Variants in KIFAP3 observed in about 807,000 individuals in gnomAD.
The protein encoded by KIFAP3 is kinesin-associated protein 3.
A neutral mutation model predicts 106.5 loss-of-function variants in KIFAP3; 68 were observed. That is an observed-to-expected ratio of 0.64 (90% CI 0.53 to 0.78). The LOEUF (loss-of-function observed/expected upper bound fraction) is 0.78. Ranked by LOEUF, KIFAP3 falls within the 30% of genes least tolerant of loss-of-function variation. The pLI is 0.00. For synonymous variants in KIFAP3, 320 were observed against 311.5 expected (o/e 1.03, Z -0.29); for missense variants, 780 against 941.8 (o/e 0.83, Z 2.25).
At chr1:169,982,189 T>C in intron 14 of KIFAP3, 92 bp from the exon 15 acceptor site, 1 of 1,284,952 alleles carries the variant, frequency 7.8e-7, no homozygotes, top group South Asian at 1.4e-5. Flanking sequence ...GAAAGGATAC[T>C]GAAAGCTATT....
At chr1:170,044,170 A>G (rs1427770876) in intron 3 of KIFAP3, among the ~76,000 whole-genome samples, 1 of 152,200 alleles carries the variant, frequency 6.6e-6, no homozygotes, top group Admixed American at 6.5e-5. Context: ...ATGTTTATAT[A>G]GGATTTTTGT....
intron 10 of KIFAP3, among the ~76,000 whole-genome samples, chr1:170,003,994 T>C (rs1319145902): frequency 6.6e-6 from 1 of 152,162 alleles, no homozygotes; most frequent in Non-Finnish European, 1.5e-5. Flanking sequence ...CTTAAGCTGA[T>C]AAGCAACTTC....
chr1:170,040,616 G>A (rs1263719297), intron 3 of KIFAP3, among the ~76,000 whole-genome samples: 3 of 152,098 alleles, frequency 2.0e-5, no homozygotes, highest in African/African-American at 7.2e-5. Flanking sequence ...ATAAGTAGAC[G>A]CAGATCTTAA....
rs1341002095 is a variant in KIFAP3, at chr1:169,984,701, G to A, written c.1285-11C>T. ...CAGCATCTTCATTAACTAGCAAGAA[G>A]CACAGGGCACATTTTACTCAAGAAA... On this transcript the variant is annotated splice_polypyrimidine_tract_variant and intron_variant, in intron 11 of 19. Transcript: ENST00000361580. 1.4e-6 allele frequency: 2 copies of A among 1,435,378 alleles called. No homozygotes were observed. Among genetic ancestry groups the A allele is most frequent in the Non-Finnish European group, 9.7e-7 (1 of 1,026,250 alleles). 88.9% of individuals were successfully genotyped at this position (1,435,378 alleles called of 1,614,324 possible).
Position 169,982,798 on chromosome 1 carries a change from CCAAA to C in KIFAP3, c.1572_1575del (p.Cys524TrpfsTer7), listed in dbSNP as rs1298064874. On this transcript the variant is annotated frameshift_variant, in exon 14 of 20. Transcript: ENST00000361580. LOFTEE classifies it high-confidence loss of function. ...GGAATGGTCAAGTTTGCAAGAGTTC[CCAAA>C]CATTCAATCACAAACTCCTCTTCTT... The C allele has an allele frequency of 1.2e-6, 2 of 1,607,978 alleles. No individual in the cohort carries two copies. Among genetic ancestry groups the C allele is most frequent in the Non-Finnish European group, 1.7e-6 (2 of 1,175,892 alleles).
At chr1:170,003,228 T>A (rs1028724525) in intron 10 of KIFAP3, among the ~76,000 whole-genome samples, 2 of 152,212 alleles carry the variant, frequency 1.3e-5, no homozygotes, top group African/African-American at 4.8e-5. Flanking sequence ...TTGGACTTAC[T>A]CATTATAGAC....
At chr1:170,036,476 TTTCACAGTATTA>T (rs1669699350) in intron 5 of KIFAP3, among the ~76,000 whole-genome samples, 1 of 152,114 alleles carries the variant, frequency 6.6e-6, no homozygotes, top group African/African-American at 2.4e-5. Flanking sequence ...TATGATAGCA[TTTCACAGTATTA>T]TTCACATTCA....
At chr1:169,954,452 A>G (rs1349767020) in intron 18 of KIFAP3, among the ~76,000 whole-genome samples, 1 of 152,198 alleles carries the variant, frequency 6.6e-6, no homozygotes, top group Non-Finnish European at 1.5e-5. Context: ...GACAGACAGT[A>G]AGGATGGTTC....
chr1:170,040,638 A>G (rs893094870), intron 3 of KIFAP3, among the ~76,000 whole-genome samples: 1 of 152,082 alleles, frequency 6.6e-6, no homozygotes, highest in Non-Finnish European at 1.5e-5. Flanking sequence ...AGACTACCAG[A>G]TTTGCTTTTC....
intron 9 of KIFAP3, among the ~76,000 whole-genome samples, chr1:170,021,613 T>C (rs748281834): frequency 3.6e-4 from 54 of 151,748 alleles, no homozygotes; most frequent in Non-Finnish European, 6.0e-4. Context: ...CTAGTTTTTG[T>C]ATTTTTAGTA....
chr1:169,942,904 A>G lies in KIFAP3; in HGVS notation c.2273+11107T>C, dbSNP rs1213426313. ...CTTAGATACTTCCGTAAGCAGTTTT[A>G]AAGACGCCCCCCCCCACCCCTTTAA... On this transcript the variant is annotated intron_variant, in intron 19 of 19. Coordinates refer to ENST00000361580, the MANE Select transcript of KIFAP3 (RefSeq NM_014970.4). Among the ~76,000 whole-genome samples, 11 of 35,526 alleles carry G rather than the reference A, an allele frequency of 3.1e-4. No individual in the cohort carries two copies. The East Asian group carries it at 0.014, about 45-fold the overall frequency. The allele number at this position is 35,526 out of a possible 152,430, so 23.3% of individuals were successfully genotyped here. A position where few individuals can be genotyped will look rare whatever the true frequency, so the allele number is the denominator to read the frequency against.
rs758101653 is a variant in KIFAP3 at position 170,016,466 on chromosome 1, G to T, written c.1179C>A (p.Leu393=). Residue 393 remains leucine, a synonymous_variant, in exon 10 of 20, where the codon CTC becomes CTA. Coordinates refer to ENST00000361580, the MANE Select transcript of KIFAP3 (RefSeq NM_014970.4). ...ATTAATTTCTAAAAAGCATACCTAGGAGTGCAGTGAGCTTGGGAAGCAGTC... is the reference window on the plus strand; with the variant it reads ...ATTAATTTCTAAAAAGCATACCTAGTAGTGCAGTGAGCTTGGGAAGCAGTC... ...QVGLLPKLTA[L]LGNDNYKQIA... 12 of 1,599,814 alleles carry T rather than the reference G, an allele frequency of 7.5e-6. No individual in the cohort carries two copies. In the Admixed American group the frequency reaches 1.9e-4, roughly 25 times the overall value.
At chr1:169,960,258 G>T (rs1249456443) in intron 18 of KIFAP3, among the ~76,000 whole-genome samples, 4 of 151,990 alleles carry the variant, frequency 2.6e-5, no homozygotes, top group Non-Finnish European at 5.9e-5. Flanking sequence ...AGAAAATAAG[G>T]TGAGTCACTA....
intron 9 of KIFAP3, 126 bp downstream of exon 9, chr1:170,024,292 T>C (rs998785791): frequency 3.6e-6 from 2 of 563,366 alleles, no homozygotes; most frequent in South Asian, 5.7e-5. Flanking sequence ...CAGTGAGTTA[T>C]TGCTATTATA....
intron 1 of KIFAP3, among the ~76,000 whole-genome samples, chr1:170,069,923 C>A (rs1304986319): frequency 1.3e-5 from 2 of 151,806 alleles, no homozygotes; most frequent in African/African-American, 4.8e-5. Flanking sequence ...ATAGAAAATT[C>A]TAAAAATGGC....
intron 7 of KIFAP3, among the ~76,000 whole-genome samples, chr1:170,034,163 G>A (rs1254255811): frequency 1.3e-5 from 2 of 151,746 alleles, no homozygotes; most frequent in Non-Finnish European, 3.0e-5. Context: ...AACTAATAAA[G>A]GTTGTGAAGA....
chr1:170,041,579 G>C (rs1007798198), intron 3 of KIFAP3: 1 of 881,560 alleles, frequency 1.1e-6, no homozygotes, highest in African/African-American at 1.7e-5. Flanking sequence ...TGACCTCTTA[G>C]CATTTCAGAG....
intron 19 of KIFAP3, among the ~76,000 whole-genome samples, chr1:169,924,764 G>A (rs1229510330): frequency 6.6e-6 from 1 of 152,148 alleles, no homozygotes; most frequent in Non-Finnish European, 1.5e-5. Flanking sequence ...GCTGAGTTTA[G>A]TTCAAAACCC....
intron 19 of KIFAP3, 27 bp downstream of exon 19, chr1:169,953,984 T>C (rs750551068): frequency 5.3e-5 from 79 of 1,499,900 alleles, no homozygotes; most frequent in Non-Finnish European, 7.3e-5. Flanking sequence ...ATACTACACA[T>C]TAGATTTTTC....
Sources: gnomAD v4.1 joint callset for allele counts (sites outside exome capture counted in the v4.1 genomes callset) on GRCh38, gnomAD v4.1.1 for gene constraint, MANE v1.5 for transcripts, NCBI Gene and HGNC (gene_info 2026-07-23, HGNC 2026-07-21) for gene names.